The following SDK1 variants were observed in gnomAD, a reference collection of about 807,000 sequenced individuals.
SDK1 encodes protein sidekick-1.
A neutral mutation model predicts 245.5 loss-of-function variants in SDK1; 157 were observed. The ratio of observed to expected loss-of-function variants is 0.64; its 90% CI spans 0.56 to 0.73. The LOEUF (loss-of-function observed/expected upper bound fraction) is 0.73. Ranked by LOEUF, SDK1 falls within the 30% of genes least tolerant of loss-of-function variation. The pLI is 0.00. For synonymous variants in SDK1, 1,647 were observed against 1,278.5 expected (o/e 1.29, Z -6.15); for missense variants, 3,583 against 3,002.3 (o/e 1.19, Z -4.52).
intron 5 of SDK1, among the ~76,000 whole-genome samples, chr7:3,835,479 GAAATT>G (rs1299614178): frequency 4.6e-5 from 7 of 152,090 alleles, no homozygotes; most frequent in Non-Finnish European, 1.0e-4. Context: ...CTTTCACTTG[GAAATT>G]AAATTAACCT....
intron 5 of SDK1, among the ~76,000 whole-genome samples, chr7:3,891,602 T>C (rs1033589097): frequency 1.3e-5 from 2 of 152,214 alleles, no homozygotes; most frequent in African/African-American, 2.4e-5. Context: ...ATGTCCTCCT[T>C]TCTCTAAACT....
chr7:4,011,947 G>A, intron 15 of SDK1, 148 bp from the exon 16 acceptor site: 1 of 576,630 alleles, frequency 1.7e-6, no homozygotes, highest in Non-Finnish European at 2.9e-6. Flanking sequence ...CGTCCTTTCA[G>A]TTTCATTGGC....
rs1215831382 is a variant in SDK1, at chr7:3,872,148, AAT to A, written c.847+50568_847+50569del. Among the ~76,000 whole-genome samples the A allele has an allele frequency of 2.6e-5, 4 of 152,290 alleles. No individual in the cohort carries two copies. The East Asian group carries it at 7.7e-4, about 29-fold the overall frequency. ...CCTTGGATGAATCCCAATTGGTAATAATATGTTATTCTTTCGTGTACTTTTAT... is the reference window on the plus strand; with the variant it reads ...CCTTGGATGAATCCCAATTGGTAATAATGTTATTCTTTCGTGTACTTTTAT... On this transcript the variant is annotated intron_variant, in intron 5 of 44. Coordinates refer to ENST00000404826, the MANE Select transcript of SDK1 (RefSeq NM_152744.4).
At chr7:3,982,612 G>A (rs1464727729) in intron 13 of SDK1, among the ~76,000 whole-genome samples, 1 of 152,060 alleles carries the variant, frequency 6.6e-6, no homozygotes, top group Non-Finnish European at 1.5e-5. Flanking sequence ...AGGCTGAGGT[G>A]GGTGGATCAC....
intron 1 of SDK1, among the ~76,000 whole-genome samples, chr7:3,605,349 G>C (rs1781387786): frequency 6.6e-6 from 1 of 152,158 alleles, no homozygotes; most frequent in Non-Finnish European, 1.5e-5. Context: ...ATTGTTTTAT[G>C]GTTTGAAGAA....
chr7:3,692,679 G>T (rs1039837548), intron 4 of SDK1, among the ~76,000 whole-genome samples: 1 of 151,560 alleles, frequency 6.6e-6, no homozygotes, highest in South Asian at 2.1e-4. Flanking sequence ...TGGTCAAAGG[G>T]TATAAATATT....
intron 30 of SDK1, among the ~76,000 whole-genome samples, chr7:4,150,997 C>G (rs1486798387): frequency 6.6e-6 from 1 of 152,220 alleles, no homozygotes; most frequent in Non-Finnish European, 1.5e-5. Context: ...TCAGGTGTCT[C>G]CAGCTCCCTG....
At position 4,092,833 on chromosome 7, in the gene SDK1, C is replaced by T. The variant is rs548289119; in HGVS notation, c.3324+13249C>T. On this transcript the variant is annotated intron_variant, in intron 22 of 44. Transcript: ENST00000404826. ...AAGCCCCGTCTCGAGGCTCTGTGAA[C>T]GTGAGCCCAGGCGGAGAGCAGCAGA... Among the ~76,000 whole-genome samples the T allele has an allele frequency of 2.2e-4, 34 of 152,282 alleles. No homozygotes were observed. In the East Asian group the frequency reaches 4.6e-3, roughly 21 times the overall value.
At chr7:3,742,817 T>C (rs1779514276) in intron 4 of SDK1, among the ~76,000 whole-genome samples, 1 of 152,156 alleles carries the variant, frequency 6.6e-6, no homozygotes, top group African/African-American at 2.4e-5. Context: ...AAGGTCAGTG[T>C]CCTTTTGGAT....
intron 1 of SDK1, among the ~76,000 whole-genome samples, chr7:3,351,655 T>C (rs1368256777): frequency 6.6e-6 from 1 of 152,054 alleles, no homozygotes; most frequent in Non-Finnish European, 1.5e-5. Flanking sequence ...TCAGACAACA[T>C]AGAAATCAAG....
intron 1 of SDK1, among the ~76,000 whole-genome samples, chr7:3,482,518 T>A (rs1781550748): frequency 6.6e-6 from 1 of 152,156 alleles, no homozygotes; most frequent in Non-Finnish European, 1.5e-5. Context: ...GAAAGAAATC[T>A]CTGCGCAGAA....
Position 4,124,018 on chromosome 7 carries a change from G to A in SDK1, c.3824-3363G>A, listed in dbSNP as rs572691613. ...TGGTGAGGGTTGCGGTGAGGCCACT[G>A]ACTCGCGTCCTGAGGCTTAGTCATC... On this transcript the variant is annotated intron_variant, in intron 25 of 44. Transcript: ENST00000404826. Among the ~76,000 whole-genome samples the A allele has an allele frequency of 4.6e-5, 7 of 152,340 alleles. No homozygotes were observed. The South Asian group carries it at 1.4e-3, about 32-fold the overall frequency.
At chr7:3,567,385 C>T (rs1031610213) in intron 1 of SDK1, among the ~76,000 whole-genome samples, 1 of 152,110 alleles carries the variant, frequency 6.6e-6, no homozygotes, top group Non-Finnish European at 1.5e-5. Context: ...GGAATTATTC[C>T]TAGAAGCCGA....
In SDK1 at chr7:3,558,756, ATTG is replaced by A. The variant is rs556833397; in HGVS notation, c.299-60321_299-60319del. On this transcript the variant is annotated intron_variant, in intron 1 of 44. Coordinates refer to ENST00000404826, the MANE Select transcript of SDK1 (RefSeq NM_152744.4). ...AAAAATAATTTTCAAAGTATGCTTAATTGTTCAGTTTTTTAATTCAGCAGAATT... is the reference window on the plus strand; with the variant it reads ...AAAAATAATTTTCAAAGTATGCTTAATTCAGTTTTTTAATTCAGCAGAATT... 2.6e-3 allele frequency among the ~76,000 whole-genome samples: 401 copies of A among 152,358 alleles called. 2 individuals carry two copies. The highest frequency in any genetic ancestry group is 9.1e-3 in the African/African-American group (380 of 41,592).
At chr7:3,476,647 T>C (rs1304658284) in intron 1 of SDK1, among the ~76,000 whole-genome samples, 2 of 152,216 alleles carry the variant, frequency 1.3e-5, no homozygotes, top group Non-Finnish European at 2.9e-5. Flanking sequence ...TATGTTGAAA[T>C]TTAGTATTTT....
intron 1 of SDK1, among the ~76,000 whole-genome samples, chr7:3,605,203 A>G (rs1781383277): frequency 6.6e-6 from 1 of 151,612 alleles, no homozygotes; most frequent in South Asian, 2.1e-4. Context: ...ATTGTTTTCC[A>G]CCTTGTGGTT....
At chr7:3,938,755 CA>C (rs1780253312) in intron 5 of SDK1, among the ~76,000 whole-genome samples, 1 of 152,106 alleles carries the variant, frequency 6.6e-6, no homozygotes, top group African/African-American at 2.4e-5. Flanking sequence ...CATGCAGGTC[CA>C]ATCACGCACC....
intron 1 of SDK1, among the ~76,000 whole-genome samples, chr7:3,526,061 C>G (rs1198222247): frequency 2.0e-5 from 3 of 151,908 alleles, no homozygotes; most frequent in African/African-American, 7.3e-5. Context: ...ATGCAGAAAC[C>G]CTGTCTCTAC....
At chr7:4,023,927 A>G (rs1787130732) in intron 17 of SDK1, among the ~76,000 whole-genome samples, 1 of 152,258 alleles carries the variant, frequency 6.6e-6, no homozygotes, top group Non-Finnish European at 1.5e-5. Flanking sequence ...ACAAGCCTGT[A>G]TGGATTAGCA....
Sources: allele counts gnomAD v4.1 joint callset (sites outside exome capture counted in the v4.1 genomes callset), GRCh38; gene constraint gnomAD v4.1.1; transcripts MANE v1.5; gene names NCBI Gene and HGNC (gene_info 2026-07-23, HGNC 2026-07-21).